The following FCHO2 variants were observed in gnomAD, a reference collection of about 807,000 sequenced individuals.
FCHO2 encodes the protein FCH and mu domain containing endocytic adaptor 2, also known as F-BAR domain only protein 2.
A neutral mutation model predicts 114.1 loss-of-function variants in FCHO2; 43 were observed. The observed-to-expected ratio is 0.38, with a 90% CI of 0.30 to 0.49. The LOEUF is 0.49. Ranked by LOEUF, FCHO2 falls within the 20% of genes least tolerant of loss-of-function variation. The pLI is 0.97. For missense variants in FCHO2, 807 were observed against 950.4 expected (o/e 0.85, Z 1.98); for synonymous variants, 293 against 315.2 (o/e 0.93, Z 0.75).
intron 8 of FCHO2, among the ~76,000 whole-genome samples, chr5:73,032,276 C>A (rs1332755755): frequency 6.6e-6 from 1 of 152,104 alleles, no homozygotes; most frequent in Non-Finnish European, 1.5e-5. Flanking sequence ...TGCCAGAAAT[C>A]ATTATTTCTA....
intron 11 of FCHO2, among the ~76,000 whole-genome samples, chr5:73,044,019 G>A (rs765904841): frequency 3.9e-5 from 6 of 152,188 alleles, no homozygotes; most frequent in Non-Finnish European, 7.4e-5. Context: ...CGCTGTTCTC[G>A]TGATAGTAAG....
chr5:72,991,076 T>C (rs2112670264), intron 5 of FCHO2, among the ~76,000 whole-genome samples: 1 of 152,284 alleles, frequency 6.6e-6, no homozygotes. Flanking sequence ...AAACAATGAT[T>C]GATTTGAGAC....
At position 73,015,695 on chromosome 5, in the gene FCHO2, A is replaced by G. The variant is rs1024925264; in HGVS notation, c.670A>G (p.Ile224Val). The change falls in exon 7 of 26, where the codon ATA becomes GTA. Residue 224 changes from isoleucine (I) to valine (V), a missense_variant. By Grantham distance (29) the Ile-to-Val change is conservative. Transcript: ENST00000430046. The stretch of plus-strand genomic sequence containing the variant: ...AATTATAGGATCCTTGTCAAATGCT[A>G]TAAAGGAAATTCATTTGCAGATAGG... ...KEIIGSLSNA[I>V]KEIHLQIGQV... 7 of 1,581,020 alleles carry G rather than the reference A, an allele frequency of 4.4e-6. No individual in the cohort carries two copies. The highest frequency in any genetic ancestry group is 2.8e-5 in the African/African-American group (2 of 72,684).
chr5:73,006,000 G>A (rs959166103), intron 5 of FCHO2, among the ~76,000 whole-genome samples: 1 of 152,158 alleles, frequency 6.6e-6, no homozygotes, highest in South Asian at 2.1e-4. Context: ...ATCAGACATT[G>A]AATGAAATAT....
In FCHO2 at chr5:73,077,503, C is replaced by CT. The variant is rs1397897173; in HGVS notation, c.1847+15dup. The CT allele has an allele frequency of 5.1e-6, 8 of 1,582,560 alleles. No homozygotes were observed. Among genetic ancestry groups the CT allele is most frequent in the Non-Finnish European group, 6.9e-6 (8 of 1,163,446 alleles). On this transcript the variant is annotated intron_variant, in intron 21 of 25. Coordinates refer to ENST00000430046, the MANE Select transcript of FCHO2 (RefSeq NM_138782.3). Reference sequence around the variant, plus strand: ...CACAGCTTGTGTTCAGGTTTGTGTACTTTTTGTTTTGAAGGTTGAAATTTC... The same window carrying CT: ...CACAGCTTGTGTTCAGGTTTGTGTACTTTTTTGTTTTGAAGGTTGAAATTTC...
chr5:72,958,316 T>C (rs1376947320), intron 1 of FCHO2, among the ~76,000 whole-genome samples: 1 of 152,222 alleles, frequency 6.6e-6, no homozygotes, highest in Non-Finnish European at 1.5e-5. Context: ...ATAGTTTTAC[T>C]TCTTCTGTTT....
chr5:73,008,349 C>G (rs527871564), intron 6 of FCHO2, among the ~76,000 whole-genome samples: 1 of 152,100 alleles, frequency 6.6e-6, no homozygotes, highest in South Asian at 2.1e-4. Flanking sequence ...TGAGGGCCAG[C>G]GTAGTGGTCT....
At position 73,039,851 on chromosome 5, in the gene FCHO2, C is replaced by G. The variant is rs1454545874; in HGVS notation, c.915-1440C>G. On this transcript the variant is annotated intron_variant, in intron 10 of 25. Coordinates refer to ENST00000430046, the MANE Select transcript of FCHO2 (RefSeq NM_138782.3). ...GCTGAGGCTGGAGAATTGCTTGAACCTGGAAGGCCGAAGTTGCAGTGAGCC... is the reference window on the plus strand; with the variant it reads ...GCTGAGGCTGGAGAATTGCTTGAACGTGGAAGGCCGAAGTTGCAGTGAGCC... Among the ~76,000 whole-genome samples the G allele has an allele frequency of 2.0e-5, 3 of 151,576 alleles. No homozygotes were observed. In the East Asian group the frequency reaches 5.8e-4, roughly 30 times the overall value.
chr5:73,040,146 G>A (rs1580149982), intron 10 of FCHO2, among the ~76,000 whole-genome samples: 1 of 152,140 alleles, frequency 6.6e-6, no homozygotes, highest in East Asian at 1.9e-4. Flanking sequence ...GATAAATGGC[G>A]TTTATCTGTT....
At chr5:72,962,890 T>C (rs1751950561) in intron 1 of FCHO2, among the ~76,000 whole-genome samples, 1 of 140,638 alleles carries the variant, frequency 7.1e-6, no homozygotes, top group East Asian at 2.4e-4. Flanking sequence ...AGACTCTGTC[T>C]CAAAAAAAAA....
chr5:73,082,620 T>G, intron 23 of FCHO2, 141 bp from the exon 24 acceptor site: 1 of 680,144 alleles, frequency 1.5e-6, no homozygotes, highest in Non-Finnish European at 2.5e-6. Context: ...TAAACACATT[T>G]TCACCAGTTA....
At chr5:73,010,875 C>CAAAAAAAAAAA (rs57820498) in intron 6 of FCHO2, among the ~76,000 whole-genome samples, 3 of 25,754 alleles carry the variant, frequency 1.2e-4, no homozygotes, top group African/African-American at 3.6e-4. Context: ...GACTCTGTCT[C>CAAAAAAAAAAA]AAAAAAAAAA....
At chr5:73,015,161 G>A (rs1755238204) in intron 6 of FCHO2, among the ~76,000 whole-genome samples, 1 of 149,714 alleles carries the variant, frequency 6.7e-6, no homozygotes, top group Admixed American at 6.7e-5. Context: ...TTAACTTTTT[G>A]CAGTGCCATA....
intron 7 of FCHO2, among the ~76,000 whole-genome samples, 169 bp from the exon 8 acceptor site, chr5:73,017,043 C>T (rs1009520279): frequency 2.0e-5 from 3 of 152,050 alleles, no homozygotes; most frequent in Non-Finnish European, 4.4e-5. Context: ...ATGGTTGGTC[C>T]CTACAGATCC....
intron 6 of FCHO2, among the ~76,000 whole-genome samples, chr5:73,014,293 CTT>C (rs551434825): frequency 2.2e-5 from 3 of 136,902 alleles, no homozygotes; most frequent in Non-Finnish European, 4.8e-5. Flanking sequence ...TTTTCTTTTT[CTT>C]TTTTTTTTTT....
Position 73,006,493 on chromosome 5 carries a change from GA to G in FCHO2, c.549del (p.Lys183AsnfsTer4). The G allele has an allele frequency of 1.3e-6, 2 of 1,578,092 alleles. No individual in the cohort carries two copies. The highest frequency in any genetic ancestry group is 1.4e-5 in the African/African-American group (1 of 73,338). On this transcript the variant is annotated frameshift_variant, in exon 6 of 26. Transcript: ENST00000430046. LOFTEE classifies it high-confidence loss of function. Reference protein sequence around the residue: ...KATDTYKLYVEKYALAKADFE... With the variant: ...KATDTYKLYVXKYALAKADFE... ...TACAGATACCTATAAACTCTATGTG[GA>G]AAAATATGCATTAGCAAAAGCTGAT...
At chr5:73,007,273 C>T (rs959906204) in intron 6 of FCHO2, among the ~76,000 whole-genome samples, 26 of 152,294 alleles carry the variant, frequency 1.7e-4, no homozygotes, top group African/African-American at 5.8e-4. Flanking sequence ...TTGGCTGCAG[C>T]TGTTTTACAT....
At chr5:73,058,314 A>T (rs1049090285) in intron 16 of FCHO2, 119 bp from the exon 17 acceptor site, 32 of 631,562 alleles carry the variant, frequency 5.1e-5, no homozygotes, top group Non-Finnish European at 3.8e-5. Flanking sequence ...CCTGGCCCTA[A>T]CTTTTTAATT....
At chr5:73,058,198 T>G (rs1181124865) in intron 16 of FCHO2, among the ~76,000 whole-genome samples, 1 of 151,860 alleles carries the variant, frequency 6.6e-6, no homozygotes, top group Non-Finnish European at 1.5e-5. Context: ...TTTGTGTATA[T>G]TGGGTCTTGC....
Sources: gnomAD v4.1 joint callset for allele counts (sites outside exome capture counted in the v4.1 genomes callset) on GRCh38, gnomAD v4.1.1 for gene constraint, MANE v1.5 for transcripts, NCBI Gene and HGNC (gene_info 2026-07-23, HGNC 2026-07-21) for gene names.